The following AKAP10 variants were observed in gnomAD, a reference collection of about 807,000 sequenced individuals.
The protein encoded by AKAP10 is A-kinase anchor protein 10, mitochondrial.
A neutral mutation model predicts 80.8 loss-of-function variants in AKAP10; 24 were observed. The ratio of observed to expected loss-of-function variants is 0.30; its 90% CI spans 0.22 to 0.42. AKAP10 has a LOEUF of 0.42. Among genes scored for constraint, AKAP10 ranks in the 10% least tolerant of loss-of-function variants. The probability of loss-of-function intolerance (pLI) is 1.00; values close to 1 mark genes in which losing one functional copy is unlikely to be tolerated. For missense variants in AKAP10, 661 were observed against 794.9 expected, an observed-to-expected ratio of 0.83 and a Z score of 2.03; for synonymous variants, 291 against 277.7, an observed-to-expected ratio of 1.05 and a Z score of -0.48.
chr17:19,916,313 A>G (rs555258534), intron 12 of AKAP10, among the ~76,000 whole-genome samples: 91 of 152,276 alleles, frequency 6.0e-4, no homozygotes, highest in African/African-American at 2.0e-3. Flanking sequence ...CCGCCAATAT[A>G]ATGTAAGTTC....
At chr17:19,969,055 TTGTC>T (rs1191429762) in intron 1 of AKAP10, among the ~76,000 whole-genome samples, 1 of 152,112 alleles carries the variant, frequency 6.6e-6, no homozygotes, top group Non-Finnish European at 1.5e-5. Context: ...GTATAATAAT[TTGTC>T]TGGGCCAGGC....
intron 10 of AKAP10, among the ~76,000 whole-genome samples, chr17:19,927,660 CA>C (rs1276720765): frequency 6.6e-6 from 1 of 152,084 alleles, no homozygotes; most frequent in Admixed American, 6.6e-5. Flanking sequence ...CCGGTAATCC[CA>C]GCACTTCGGG....
At chr17:19,920,321 C>T (rs1227573463) in intron 11 of AKAP10, among the ~76,000 whole-genome samples, 3 of 152,064 alleles carry the variant, frequency 2.0e-5, no homozygotes, top group Non-Finnish European at 2.9e-5. Flanking sequence ...AGTGCAATTC[C>T]ATTCAAAATC....
At chr17:19,952,973 A>C (rs1433612022) in intron 4 of AKAP10, among the ~76,000 whole-genome samples, 1 of 152,180 alleles carries the variant, frequency 6.6e-6, no homozygotes, top group Non-Finnish European at 1.5e-5. Context: ...AGAATGTACA[A>C]TCTTTATACT....
Position 19,909,192 on chromosome 17 carries a change from T to C in AKAP10, c.1972A>G (p.Lys658Glu), listed in dbSNP as rs1057523948. 1 of 1,610,422 alleles carries C rather than the reference T, an allele frequency of 6.2e-7. No individual in the cohort carries two copies. Among genetic ancestry groups the C allele is most frequent in the Non-Finnish European group, 8.5e-7 (1 of 1,178,908 alleles). ...QQAQYDQPLEKSTKL is the reference protein window; with the variant it reads ...QQAQYDQPLEESTKL ...GAAGTCATCCTTACCTTTGTAGATT[T>C]CTCTAACGGTTGATCATACTGAGCC... Residue 658 changes from lysine to glutamate, a missense_variant, in exon 14 of 15, where the codon AAA becomes GAA. Physicochemically the swap from Lys to Glu is moderately conservative, Grantham distance 56 (BLOSUM62 1). Coordinates refer to ENST00000225737, the MANE Select transcript of AKAP10 (RefSeq NM_007202.4).
intron 3 of AKAP10, among the ~76,000 whole-genome samples, chr17:19,960,450 T>C (rs2043334744): frequency 6.6e-6 from 1 of 152,222 alleles, no homozygotes; most frequent in Non-Finnish European, 1.5e-5. Context: ...AATCATACTA[T>C]ATGTAGTCTT....
intron 12 of AKAP10, among the ~76,000 whole-genome samples, chr17:19,916,144 C>A (rs2042740057): frequency 6.6e-6 from 1 of 152,358 alleles, no homozygotes; most frequent in Admixed American, 6.5e-5. Flanking sequence ...GCTTACGCCC[C>A]CGCTGCGCTC....
At position 19,947,417 on chromosome 17, in the gene AKAP10, A is replaced by G; in HGVS notation, c.966T>C (p.Asn322=). 6.2e-7 allele frequency: 1 copy of G among 1,608,064 alleles called. No homozygotes were observed. The highest frequency in any genetic ancestry group is 8.5e-7 in the Non-Finnish European group (1 of 1,174,798). Residue 322 remains asparagine, a synonymous_variant, in exon 5 of 15, where the codon AAT becomes AAC. Coordinates refer to ENST00000225737, the MANE Select transcript of AKAP10 (RefSeq NM_007202.4). ...TCAAGCACTGCTTACCTATGATGTC[A>G]TTTCTCATTGCTTCTGTAATTGGTA... ...KPIPITEAMR[N]DIIARICGED...
intron 1 of AKAP10, among the ~76,000 whole-genome samples, chr17:19,976,263 G>A (rs771086690): frequency 5.9e-5 from 9 of 151,996 alleles, no homozygotes; most frequent in South Asian, 2.1e-4. Flanking sequence ...GAGGTGGGAG[G>A]CCCACTTGAG....
chr17:19,970,145 A>ACATGT (rs1373407223), intron 1 of AKAP10, among the ~76,000 whole-genome samples: 2 of 152,210 alleles, frequency 1.3e-5, no homozygotes, highest in Non-Finnish European at 2.9e-5. Context: ...CTAAAAGGGA[A>ACATGT]CATGTCATCT....
chr17:19,911,835 C>CAAAAAAAAAAAAAAAA lies in AKAP10; in HGVS notation c.1835-1873_1835-1858dup, dbSNP rs71157844. ...CGGCAACAAGAGCAAAACTCTGTCA[C>CAAAAAAAAAAAAAAAA]AAAAAAAAAAAAAAAAAAAAAAAAA... On this transcript the variant is annotated intron_variant, in intron 12 of 14. Transcript: ENST00000225737. Among the ~76,000 whole-genome samples the CAAAAAAAAAAAAAAAA allele has an allele frequency of 1.6e-4, 9 of 54,984 alleles. 1 individual carries two copies. Among genetic ancestry groups the CAAAAAAAAAAAAAAAA allele is most frequent in the South Asian group, 1.3e-3 (1 of 786 alleles). The allele number at this position is 54,984 out of a possible 152,430, so 36.1% of individuals were successfully genotyped here.
chr17:19,907,795 T>C (rs754795055), intron 14 of AKAP10, among the ~76,000 whole-genome samples: 1 of 152,200 alleles, frequency 6.6e-6, no homozygotes, highest in Non-Finnish European at 1.5e-5. Context: ...TCTGTTTCTA[T>C]AGATTGAGTT....
chr17:19,935,834 T>C (rs978734848), intron 9 of AKAP10, among the ~76,000 whole-genome samples: 2 of 152,114 alleles, frequency 1.3e-5, no homozygotes, highest in Admixed American at 1.3e-4. Context: ...CTGAAGCTGT[T>C]TTACAGTTAA....
At chr17:19,954,896 A>G (rs923381181) in intron 4 of AKAP10, among the ~76,000 whole-genome samples, 2 of 152,090 alleles carry the variant, frequency 1.3e-5, no homozygotes, top group African/African-American at 4.8e-5. Flanking sequence ...CATACAAGAA[A>G]AAAATGACAA....
intron 9 of AKAP10, among the ~76,000 whole-genome samples, chr17:19,933,080 A>G (rs1052408887): frequency 4.6e-5 from 7 of 152,148 alleles, no homozygotes; most frequent in African/African-American, 1.7e-4. Flanking sequence ...ATGCAGTGGC[A>G]TGATCTCGAC....
chr17:19,973,994 G>C (rs2043532416), intron 1 of AKAP10, among the ~76,000 whole-genome samples: 1 of 152,172 alleles, frequency 6.6e-6, no homozygotes, highest in African/African-American at 2.4e-5. Context: ...CCTGAGGTCA[G>C]GAGTACAAAA....
intron 10 of AKAP10, among the ~76,000 whole-genome samples, chr17:19,928,925 T>C (rs2042903691): frequency 6.6e-6 from 1 of 152,080 alleles, no homozygotes; most frequent in Admixed American, 6.6e-5. Flanking sequence ...ACACAAATGG[T>C]CACAGTAGCA....
intron 5 of AKAP10, among the ~76,000 whole-genome samples, chr17:19,946,224 ATATATATATAT>A (rs1567765362): frequency 1.9e-4 from 2 of 10,606 alleles, no homozygotes; most frequent in African/African-American, 7.3e-4. Flanking sequence ...TATATATTTT[ATATATATATAT>A]ATTATATATA....
chr17:19,935,625 CT>C (rs761199538), intron 9 of AKAP10, among the ~76,000 whole-genome samples: 78 of 143,604 alleles, frequency 5.4e-4, no homozygotes, highest in Non-Finnish European at 9.7e-4. Flanking sequence ...TTTTTTTTTT[CT>C]TTTTAAATTT....
Sources: allele counts gnomAD v4.1 joint callset (sites outside exome capture counted in the v4.1 genomes callset), GRCh38; gene constraint gnomAD v4.1.1; transcripts MANE v1.5; gene names NCBI Gene and HGNC (gene_info 2026-07-23, HGNC 2026-07-21).